The following ARHGAP6 variants were observed in gnomAD, a reference collection of about 807,000 sequenced individuals.
The protein encoded by ARHGAP6 is rho GTPase-activating protein 6.
ARHGAP6 carries 16 observed loss-of-function variants against 55.7 expected under a neutral mutation model. That is an observed-to-expected ratio of 0.29 (90% CI 0.19 to 0.44). The LOEUF (loss-of-function observed/expected upper bound fraction) is 0.44. ARHGAP6 is among the 20% of genes least tolerant of loss of function. The probability of loss-of-function intolerance (pLI) is 1.00; values close to 1 mark genes in which losing one functional copy is unlikely to be tolerated. For missense variants in ARHGAP6, 698 were observed against 808.9 expected, an observed-to-expected ratio of 0.86 and a Z score of 1.66; for synonymous variants, 382 against 360.9, an observed-to-expected ratio of 1.06 and a Z score of -0.66.
chrX:11,602,299 T>C (rs1473612645), intron 1 of ARHGAP6, among the ~76,000 whole-genome samples: 1 of 112,349 alleles, frequency 8.9e-6, no homozygotes, highest in Non-Finnish European at 1.9e-5. Flanking sequence ...GGATTCTTGG[T>C]TGCAAGCAAC....
intron 1 of ARHGAP6, among the ~76,000 whole-genome samples, chrX:11,367,441 G>A (rs897568927): frequency 5.4e-5 from 6 of 111,267 alleles, no homozygotes; most frequent in African/African-American, 2.0e-4. Context: ...CTTTGCCTCT[G>A]AGATGGGAGG....
Position 11,253,768 on chromosome X carries a change from G to A in ARHGAP6, c.748+780C>T, listed in dbSNP as rs763560846. ...ATAAACACAAAAATTAGCTGGGCGT[G>A]GTGGTGTGCACCTATAATCCCAGCT... is the stretch of plus-strand genomic sequence containing the variant. On this transcript the variant is annotated intron_variant, in intron 2 of 12. Transcript: ENST00000337414. Among the ~76,000 whole-genome samples the A allele has an allele frequency of 4.5e-5, 5 of 110,674 alleles. No homozygotes were observed. In the South Asian group the frequency reaches 2.0e-3, roughly 44 times the overall value.
intron 1 of ARHGAP6, chrX:11,294,810 G>C (rs2048053996): frequency 8.3e-7 from 1 of 1,210,058 alleles, no homozygotes; most frequent in Non-Finnish European, 1.1e-6. Flanking sequence ...GATTTTATTT[G>C]CCTGCCTCCT....
At chrX:11,653,119 C>T (rs1421442010) in intron 1 of ARHGAP6, among the ~76,000 whole-genome samples, 1 of 112,061 alleles carries the variant, frequency 8.9e-6, no homozygotes, top group Non-Finnish European at 1.9e-5. Context: ...AAATGAGAAG[C>T]ACACTGCCAT....
intron 1 of ARHGAP6, among the ~76,000 whole-genome samples, chrX:11,372,786 A>G (rs1209387808): frequency 5.6e-5 from 6 of 106,483 alleles, no homozygotes; most frequent in Admixed American, 5.1e-4. Context: ...AAAAAAAAAA[A>G]AAAAAAAAAA....
intron 1 of ARHGAP6, among the ~76,000 whole-genome samples, chrX:11,383,865 T>C (rs1481019403): frequency 9.0e-6 from 1 of 111,053 alleles, no homozygotes; most frequent in Non-Finnish European, 1.9e-5. Flanking sequence ...AGTTTGTGCC[T>C]GGAAAAGACA....
In ARHGAP6 at chrX:11,377,024, T is replaced by C. The variant is rs182921622; in HGVS notation, c.589-122317A>G. ...AGCACAATTAAAGTAATTTGCCTGGTTCAATACTCTGGTGCTTTGATGGCC... is the reference window on the plus strand; with the variant it reads ...AGCACAATTAAAGTAATTTGCCTGGCTCAATACTCTGGTGCTTTGATGGCC... On this transcript the variant is annotated intron_variant, in intron 1 of 12. Coordinates refer to ENST00000337414, the MANE Select transcript of ARHGAP6 (RefSeq NM_013427.3). Among the ~76,000 whole-genome samples the C allele has an allele frequency of 3.2e-3, 360 of 112,049 alleles. 1 individual carries two copies. Among genetic ancestry groups the C allele is most frequent in the Middle Eastern group, 9.2e-3 (2 of 217 alleles).
chrX:11,459,533 T>C (rs1401303240), intron 1 of ARHGAP6, among the ~76,000 whole-genome samples: 5 of 111,778 alleles, frequency 4.5e-5, no homozygotes, highest in South Asian at 3.8e-4. Flanking sequence ...GGGCATCAGA[T>C]ATATTTTTGG....
intron 2 of ARHGAP6, among the ~76,000 whole-genome samples, chrX:11,202,362 C>G (rs1314909777): frequency 1.8e-5 from 2 of 110,831 alleles, no homozygotes; most frequent in Non-Finnish European, 3.8e-5. Flanking sequence ...AGGTACTGTT[C>G]CCATAACCCT....
chrX:11,177,968 C>G, intron 8 of ARHGAP6, 132 bp downstream of exon 8: 1 of 831,930 alleles, frequency 1.2e-6, no homozygotes, highest in Non-Finnish European at 1.7e-6. Context: ...TTAGTCTCTT[C>G]CTACAGAGAC....
At chrX:11,250,442 TAAAC>T (rs2047408791) in intron 2 of ARHGAP6, among the ~76,000 whole-genome samples, 1 of 111,814 alleles carries the variant, frequency 8.9e-6, no homozygotes, top group African/African-American at 3.3e-5. Context: ...CTTAGTGTCT[TAAAC>T]AACTCAAATT....
chrX:11,630,663 G>T (rs2147174981), intron 1 of ARHGAP6, among the ~76,000 whole-genome samples: 1 of 112,394 alleles, frequency 8.9e-6, no homozygotes, highest in African/African-American at 3.2e-5. Flanking sequence ...AAAAGCAGAT[G>T]AATGCAGATA....
At chrX:11,386,687 T>C (rs759664600) in intron 1 of ARHGAP6, among the ~76,000 whole-genome samples, 11 of 111,971 alleles carry the variant, frequency 9.8e-5, no homozygotes, top group Non-Finnish European at 2.1e-4. Context: ...GAAAACTTAC[T>C]TTCCCAGCAT....
At chrX:11,209,652 T>C (rs1261830066) in intron 2 of ARHGAP6, among the ~76,000 whole-genome samples, 1 of 112,586 alleles carries the variant, frequency 8.9e-6, no homozygotes, top group Non-Finnish European at 1.9e-5. Context: ...TGTACAGAAC[T>C]GTATTTTAAA....
At chrX:11,498,727 C>T (rs2050647693) in intron 1 of ARHGAP6, among the ~76,000 whole-genome samples, 1 of 111,473 alleles carries the variant, frequency 9.0e-6, no homozygotes, top group East Asian at 2.8e-4. Flanking sequence ...ATCGAAGCAT[C>T]TGTGGGCAAA....
intron 1 of ARHGAP6, chrX:11,336,034 G>T (rs1340612900): frequency 8.9e-6 from 1 of 112,899 alleles, no homozygotes; most frequent in African/African-American, 3.2e-5. Context: ...ACAGTGGAGT[G>T]AAAAATGAAG....
rs763820859 is a variant in ARHGAP6 at position 11,406,592 on chromosome X, T to C, written c.589-151885A>G. 6.3e-5 allele frequency among the ~76,000 whole-genome samples: 7 copies of C among 111,372 alleles called. No homozygotes were observed. In the South Asian group the frequency reaches 2.3e-3, roughly 37 times the overall value. On this transcript the variant is annotated intron_variant, in intron 1 of 12. Coordinates refer to ENST00000337414, the MANE Select transcript of ARHGAP6 (RefSeq NM_013427.3). ...TGGTACATTCACCCACAAATGTCCA[T>C]ATAAAAAGCATCCTAGTATCCTGTG... is the stretch of plus-strand genomic sequence containing the variant.
intron 2 of ARHGAP6, among the ~76,000 whole-genome samples, chrX:11,212,304 G>T (rs964622487): frequency 3.6e-5 from 4 of 111,492 alleles, no homozygotes; most frequent in African/African-American, 9.8e-5. Flanking sequence ...GGTAAGTAAG[G>T]CTAATAATTT....
At chrX:11,156,860 T>A (rs1187551356) in intron 9 of ARHGAP6, among the ~76,000 whole-genome samples, 1 of 112,575 alleles carries the variant, frequency 8.9e-6, no homozygotes, top group African/African-American at 3.2e-5. Flanking sequence ...CTCATATGCC[T>A]GGAGATACAA....
Sources: gnomAD v4.1 joint callset for allele counts (sites outside exome capture counted in the v4.1 genomes callset) on GRCh38, gnomAD v4.1.1 for gene constraint, MANE v1.5 for transcripts, NCBI Gene and HGNC (gene_info 2026-07-23, HGNC 2026-07-21) for gene names.